The following TENT4A variants were observed in gnomAD, a reference collection of about 807,000 sequenced individuals.
TENT4A encodes the protein terminal nucleotidyltransferase 4A.
In TENT4A, 7 loss-of-function variants were observed where a neutral mutation model predicts 72.8. That is an observed-to-expected ratio of 0.10 (90% confidence interval 0.05 to 0.18). TENT4A has a LOEUF of 0.18. Among genes scored for constraint, TENT4A ranks in the 10% least tolerant of loss-of-function variants. The pLI, the probability that TENT4A is intolerant of heterozygous loss-of-function variation, is 1.00. For missense variants in TENT4A, 831 were observed against 1,017.7 expected (o/e 0.82, Z 2.50); for synonymous variants, 456 against 434.3 (o/e 1.05, Z -0.62).
Position 6,755,077 on chromosome 5 carries a change from G to C in TENT4A, c.*132G>C. 8.8e-6 allele frequency: 6 copies of C among 684,012 alleles called. No homozygotes were observed. The highest frequency in any genetic ancestry group is 1.1e-5 in the Non-Finnish European group (5 of 435,386). The allele number at this position is 684,012 out of a possible 1,614,324, so 42.4% of individuals were successfully genotyped here. A position where few individuals can be genotyped will look rare whatever the true frequency, so the allele number is the denominator to read the frequency against. ...CGGCACGCCCGCCGCTGATCACTCTGCATGTTTCTTCGTGTGGTGGTCGCG... is the reference window on the plus strand; with the variant it reads ...CGGCACGCCCGCCGCTGATCACTCTCCATGTTTCTTCGTGTGGTGGTCGCG... On this transcript the variant is annotated 3_prime_UTR_variant, in exon 13 of 13. Transcript: ENST00000230859.
intron 1 of TENT4A, among the ~76,000 whole-genome samples, chr5:6,716,739 C>T (rs555670406): frequency 8.5e-5 from 13 of 152,234 alleles, no homozygotes; most frequent in African/African-American, 9.6e-5. Flanking sequence ...CTTGCCAACC[C>T]GTTAGAACCT....
chr5:6,746,390 A>G lies in TENT4A; in HGVS notation c.1422A>G (p.Arg474=). 2 of 1,614,188 alleles carry G rather than the reference A, an allele frequency of 1.2e-6. No homozygotes were observed. Among genetic ancestry groups the G allele is most frequent in the Non-Finnish European group, 1.7e-6 (2 of 1,180,032 alleles). Residue 474 remains arginine (R), a synonymous_variant, in exon 7 of 13, where the codon AGA becomes AGG. Transcript: ENST00000230859. ...EIMKAMTSGY[R]PSMLCIEDPL... is the part of the protein sequence containing the mutation. ...TGAAAGCCATGACCAGCGGGTACAG[A>G]CCGTCGATGCTGTGCATTGAGGACC...
At chr5:6,740,340 G>A (rs1741735532) in intron 4 of TENT4A, among the ~76,000 whole-genome samples, 1 of 152,206 alleles carries the variant, frequency 6.6e-6, no homozygotes. Flanking sequence ...GGGGAAGTTT[G>A]AAGATGAGAC....
chr5:6,743,564 C>T, intron 5 of TENT4A, 148 bp from the exon 6 acceptor site: 1 of 630,340 alleles, frequency 1.6e-6, no homozygotes, highest in Non-Finnish European at 2.7e-6. Flanking sequence ...CGTCCCCCAA[C>T]CAAAGTTTGA....
rs28381372 is a variant in TENT4A at position 6,741,948 on chromosome 5, C to T, written c.1009-542C>T. ...GCTCAGGCAGATTTTGAATGCCATT[C>T]GGTGACAGTTCTTGTTGGTGAGAAT... On this transcript the variant is annotated intron_variant, in intron 4 of 12. Coordinates refer to ENST00000230859, the MANE Select transcript of TENT4A (RefSeq NM_006999.6). Among the ~76,000 whole-genome samples, 1,260 of 152,160 alleles carry T rather than the reference C, an allele frequency of 8.3e-3. 10 individuals carry two copies. Among genetic ancestry groups the T allele is most frequent in the African/African-American group, 0.028 (1,160 of 41,486 alleles).
At chr5:6,738,841 G>C (rs767065121) in intron 3 of TENT4A, 112 bp downstream of exon 3, 4 of 800,314 alleles carry the variant, frequency 5.0e-6, no homozygotes, top group Middle Eastern at 2.3e-4. Flanking sequence ...AGAAATGCCA[G>C]CTAAAGGAAA....
intron 1 of TENT4A, among the ~76,000 whole-genome samples, chr5:6,717,523 G>A (rs1740447266): frequency 6.6e-6 from 1 of 152,258 alleles, no homozygotes; most frequent in Admixed American, 6.5e-5. Flanking sequence ...CTGCCAGTCT[G>A]CCTTCTGCTT....
In TENT4A at chr5:6,751,157, C is replaced by T. The variant is rs780991923; in HGVS notation, c.1979C>T (p.Pro660Leu). Residue 660 changes from proline (P) to leucine (L), a missense_variant, in exon 11 of 13, where the codon CCC becomes CTC. Pro to Leu is a moderately conservative substitution (Grantham distance 98). Coordinates refer to ENST00000230859, the MANE Select transcript of TENT4A (RefSeq NM_006999.6). The part of the protein sequence containing the change: ...ALPMPSGKPQ[P>L]TTSRTLIMTT... ...CCAATGCCCAGTGGCAAACCTCAGC[C>T]CACCACTTCCAGAACACTGATCATG... 5.0e-6 allele frequency: 8 copies of T among 1,614,238 alleles called. No homozygotes were observed. The Admixed American group carries it at 5.0e-5, about 10-fold the overall frequency.
chr5:6,751,434 G>GCTTTTCACGT (rs2126658224), intron 11 of TENT4A: 17 of 414,690 alleles, frequency 4.1e-5, no homozygotes, highest in East Asian at 7.7e-5. Context: ...CTTTTCACGG[G>GCTTTTCACGT]GGCCAGGTTG....
Position 6,753,011 on chromosome 5 carries a change from C to G in TENT4A, c.2158C>G (p.Leu720Val). 1 of 1,614,188 alleles carries G rather than the reference C, an allele frequency of 6.2e-7. No individual in the cohort carries two copies. Among genetic ancestry groups the G allele is most frequent in the East Asian group, 2.2e-5 (1 of 44,886 alleles). The change falls in exon 12 of 13, where the codon CTC (leucine) becomes GTC (valine). Residue 720 changes from leucine (L) to valine (V), a missense_variant. Around this residue, in one of 3 missense-constraint regions of TENT4A, gnomAD observed 332 missense variants for 324.3 expected, o/e 1.02. Coordinates refer to ENST00000230859, the MANE Select transcript of TENT4A (RefSeq NM_006999.6). ...PAIPSASPNP[L>V]SSPHLYHKQH... ...CATTCCCTCAGCGTCCCCCAACCCG[C>G]TCTCGAGCCCTCATCTGTATCATAA...
At chr5:6,741,389 G>A (rs1168767201) in intron 4 of TENT4A, among the ~76,000 whole-genome samples, 2 of 152,116 alleles carry the variant, frequency 1.3e-5, no homozygotes, top group African/African-American at 4.8e-5. Context: ...AGGATTTGGG[G>A]TTCCTGCCGT....
In TENT4A at chr5:6,753,037, G is replaced by A. The variant is rs1742501264; in HGVS notation, c.2184G>A (p.Lys728=). The A allele has an allele frequency of 1.9e-6, 3 of 1,613,180 alleles. No individual in the cohort carries two copies. The highest frequency in any genetic ancestry group is 2.5e-6 in the Non-Finnish European group (3 of 1,179,252). Residue 728 remains lysine (K), a splice_region_variant and synonymous_variant, in exon 12 of 13, where the codon AAG becomes AAA. Coordinates refer to ENST00000230859, the MANE Select transcript of TENT4A (RefSeq NM_006999.6). ...TCTCGAGCCCTCATCTGTATCATAA[G>A]GTATAGCTCTGTCCTGGTGCATTCA... ...NPLSSPHLYH[K]QHNGMKLSMK...
At position 6,730,567 on chromosome 5, in the gene TENT4A, C is replaced by T. The variant is rs372809054; in HGVS notation, c.717-6943C>T. Among the ~76,000 whole-genome samples, 6 of 152,280 alleles carry T rather than the reference C, an allele frequency of 3.9e-5. No individual in the cohort carries two copies. The East Asian group carries it at 7.7e-4, about 20-fold the overall frequency. ...CTGTCCTGGGTCCTTGCCTGGCCTTCCCCTTACACGTGAGCCTGCAGCTTC... is the reference window on the plus strand; with the variant it reads ...CTGTCCTGGGTCCTTGCCTGGCCTTTCCCTTACACGTGAGCCTGCAGCTTC... On this transcript the variant is annotated intron_variant, in intron 1 of 12. Transcript: ENST00000230859.
At chr5:6,719,040 GC>G in intron 1 of TENT4A, among the ~76,000 whole-genome samples, 1 of 151,698 alleles carries the variant, frequency 6.6e-6, no homozygotes, top group African/African-American at 2.4e-5. Context: ...TGTCTGTCTT[GC>G]TGCTGTGAGC....
chr5:6,718,184 C>A (rs976720141), intron 1 of TENT4A, among the ~76,000 whole-genome samples: 13 of 152,228 alleles, frequency 8.5e-5, no homozygotes, highest in Admixed American at 7.9e-4. Context: ...CTGAGAGAGA[C>A]CGACGACTGT....
At chr5:6,725,834 C>G (rs988423635) in intron 1 of TENT4A, among the ~76,000 whole-genome samples, 2 of 152,066 alleles carry the variant, frequency 1.3e-5, no homozygotes, top group East Asian at 3.8e-4. Context: ...AAAGTCTTAT[C>G]TTTACATAAA....
At chr5:6,745,755 A>G (rs1405317490) in intron 6 of TENT4A, among the ~76,000 whole-genome samples, 1 of 152,196 alleles carries the variant, frequency 6.6e-6, no homozygotes, top group Non-Finnish European at 1.5e-5. Context: ...TTACACAGCT[A>G]AAATCAATCC....
rs1740190968 is a variant in TENT4A, at chr5:6,713,490, C to A, written c.-494C>A. Reference sequence around the variant, plus strand: ...TTCACCGCCGCCGCCGCCGCCGCCGCAGGAGCGCCGAGCCAGCGGCGCGAG... The same window carrying A: ...TTCACCGCCGCCGCCGCCGCCGCCGAAGGAGCGCCGAGCCAGCGGCGCGAG... On this transcript the variant is annotated 5_prime_UTR_variant, in exon 1 of 13. Coordinates refer to ENST00000230859, the MANE Select transcript of TENT4A (RefSeq NM_006999.6). The A allele has an allele frequency of 2.0e-5, 3 of 149,826 alleles. No homozygotes were observed. The South Asian group carries it at 5.7e-4, about 29-fold the overall frequency. 9.3% of individuals were successfully genotyped at this position (149,826 alleles called of 1,614,324 possible). A position where few individuals can be genotyped will look rare whatever the true frequency, so the allele number is the denominator to read the frequency against.
rs1317799028 is a variant in TENT4A, at chr5:6,726,852, C to CGGATATAG, written c.717-10657_717-10650dup. ...TGTCTCAGTTGCTTGCTTGAGGATC[C>CGGATATAG]GGATATAGACTGAGGTCGGCCTTAG... On this transcript the variant is annotated intron_variant, in intron 1 of 12. Transcript: ENST00000230859. Among the ~76,000 whole-genome samples, 6 of 152,272 alleles carry CGGATATAG rather than the reference C, an allele frequency of 3.9e-5. No homozygotes were observed. In the East Asian group the frequency reaches 1.2e-3, roughly 29 times the overall value.
Sources: allele counts gnomAD v4.1 joint callset (sites outside exome capture counted in the v4.1 genomes callset), GRCh38; gene constraint gnomAD v4.1.1; regional missense constraint gnomAD v4.1.1; transcripts MANE v1.5; gene names NCBI Gene and HGNC (gene_info 2026-07-23, HGNC 2026-07-21).